VAV3: variants seen among roughly 807,000 people sequenced by gnomAD.
VAV3 encodes the protein guanine nucleotide exchange factor VAV3.
A neutral mutation model predicts 131.2 loss-of-function variants in VAV3; 94 were observed. The observed-to-expected ratio is 0.72, with a 90% CI of 0.61 to 0.85. The LOEUF (loss-of-function observed/expected upper bound fraction) is 0.85. Among genes scored for constraint, VAV3 ranks in the 40% least tolerant of loss-of-function variants. The probability of loss-of-function intolerance (pLI) is 0.00; values close to 1 mark genes in which losing one functional copy is unlikely to be tolerated. For synonymous variants in VAV3, 349 were observed against 342.0 expected, an observed-to-expected ratio of 1.02 and a Z score of -0.22; for missense variants, 939 against 1,002.7, an observed-to-expected ratio of 0.94 and a Z score of 0.86.
At chr1:107,703,570 G>T (rs1279782890) in intron 17 of VAV3, among the ~76,000 whole-genome samples, 1 of 152,182 alleles carries the variant, frequency 6.6e-6, no homozygotes, top group East Asian at 1.9e-4. Context: ...TGTCTGAGAG[G>T]AATGTGCTAT....
At chr1:107,693,218 T>C (rs1206724025) in intron 17 of VAV3, among the ~76,000 whole-genome samples, 1 of 152,084 alleles carries the variant, frequency 6.6e-6, no homozygotes, top group African/African-American at 2.4e-5. Context: ...ATAGTGAATG[T>C]GAAGAAGTCA....
intron 1 of VAV3, among the ~76,000 whole-genome samples, chr1:107,886,841 C>T (rs910539803): frequency 6.7e-6 from 1 of 149,342 alleles, no homozygotes; most frequent in African/African-American, 2.5e-5. Context: ...CTCAAATTTA[C>T]AAAATAAAAA....
At chr1:107,957,223 G>A (rs960430212) in intron 1 of VAV3, among the ~76,000 whole-genome samples, 4 of 152,130 alleles carry the variant, frequency 2.6e-5, no homozygotes, top group Admixed American at 6.5e-5. Flanking sequence ...CTCTTTCTCT[G>A]TATCTAAAAG....
intron 24 of VAV3, among the ~76,000 whole-genome samples, chr1:107,597,817 T>C (rs908469869): frequency 2.0e-5 from 3 of 152,162 alleles, no homozygotes; most frequent in African/African-American, 7.2e-5. Flanking sequence ...AAAGAATATA[T>C]AAAGTACCTA....
intron 2 of VAV3, among the ~76,000 whole-genome samples, chr1:107,850,863 T>C (rs1231036806): frequency 2.0e-5 from 3 of 151,570 alleles, no homozygotes; most frequent in Non-Finnish European, 2.9e-5. Context: ...CTACCACACA[T>C]ATATATATAT....
intron 23 of VAV3, 109 bp downstream of exon 23, chr1:107,602,938 T>C (rs1249224143): frequency 4.4e-5 from 34 of 767,962 alleles, no homozygotes; most frequent in Non-Finnish European, 6.6e-5. Context: ...GCATTATTTC[T>C]CCTTCAATTA....
chr1:107,816,230 T>C (rs1667554568), intron 2 of VAV3, among the ~76,000 whole-genome samples: 1 of 152,218 alleles, frequency 6.6e-6, no homozygotes, highest in Non-Finnish European at 1.5e-5. Context: ...GATGAATCTA[T>C]ACTTGAATAA....
At chr1:107,951,322 A>G (rs1315351863) in intron 1 of VAV3, among the ~76,000 whole-genome samples, 2 of 152,124 alleles carry the variant, frequency 1.3e-5, no homozygotes, top group East Asian at 3.9e-4. Flanking sequence ...CAATAACTTT[A>G]TTTCTGCATT....
At chr1:107,623,346 T>C (rs1653746589) in intron 20 of VAV3, among the ~76,000 whole-genome samples, 1 of 152,228 alleles carries the variant, frequency 6.6e-6, no homozygotes, top group African/African-American at 2.4e-5. Context: ...ATCTATAATA[T>C]TGTTTCTTGA....
At chr1:107,885,527 A>G (rs1301590210) in intron 1 of VAV3, among the ~76,000 whole-genome samples, 1 of 152,168 alleles carries the variant, frequency 6.6e-6, no homozygotes, top group African/African-American at 2.4e-5. Flanking sequence ...CTGGGAGAAC[A>G]TGGAATAGTC....
At chr1:107,874,499 A>G (rs184390594) in intron 2 of VAV3, among the ~76,000 whole-genome samples, 1 of 152,218 alleles carries the variant, frequency 6.6e-6, no homozygotes, top group Non-Finnish European at 1.5e-5. Context: ...TTTCAGATAT[A>G]GAGAAGACTG....
intron 15 of VAV3, among the ~76,000 whole-genome samples, chr1:107,732,010 G>T (rs17019846): frequency 6.6e-6 from 1 of 152,096 alleles, no homozygotes; most frequent in African/African-American, 2.4e-5. Flanking sequence ...TCTAAGTGAA[G>T]AGAAAAAATA....
rs34150658 is a variant in VAV3 at position 107,843,365 on chromosome 1, AATATAT to A, written c.321+31530_321+31535del. Among the ~76,000 whole-genome samples the A allele has an allele frequency of 3.5e-3, 491 of 139,966 alleles. 5 individuals are homozygous for A. Among genetic ancestry groups the A allele is most frequent in the African/African-American group, 0.012 (459 of 38,360 alleles). 91.8% of individuals were successfully genotyped at this position (139,966 alleles called of 152,430 possible). A position where few individuals can be genotyped will look rare whatever the true frequency, so the allele number is the denominator to read the frequency against. On this transcript the variant is annotated intron_variant, in intron 2 of 26. Coordinates refer to ENST00000370056, the MANE Select transcript of VAV3 (RefSeq NM_006113.5). ...TATGTGAAGCCCTTAGCACAACACA[AATATAT>A]ATATATATATATATATATAGTTAAT...
chr1:107,823,293 G>A (rs907532713), intron 2 of VAV3, among the ~76,000 whole-genome samples: 1 of 152,144 alleles, frequency 6.6e-6, no homozygotes, highest in Non-Finnish European at 1.5e-5. Flanking sequence ...AATGAAGGAT[G>A]GGGAAGAAGC....
intron 2 of VAV3, among the ~76,000 whole-genome samples, chr1:107,862,142 C>A (rs1669768835): frequency 6.6e-6 from 1 of 151,564 alleles, no homozygotes; most frequent in Non-Finnish European, 1.5e-5. Context: ...TCCAAAGACA[C>A]AGGTGCTTTA....
intron 22 of VAV3, among the ~76,000 whole-genome samples, chr1:107,605,927 A>C (rs1652229397): frequency 6.6e-6 from 1 of 152,128 alleles, no homozygotes; most frequent in Non-Finnish European, 1.5e-5. Flanking sequence ...AATTAAGACA[A>C]CCACATAATC....
At chr1:107,785,707 T>A (rs1261976333) in intron 2 of VAV3, 1 of 1,035,272 alleles carries the variant, frequency 9.7e-7, no homozygotes, top group African/African-American at 1.7e-5. Context: ...GCATGAGTGC[T>A]GGGTGGAGAA....
At chr1:107,941,742 G>C (rs1307184921) in intron 1 of VAV3, among the ~76,000 whole-genome samples, 2 of 152,118 alleles carry the variant, frequency 1.3e-5, no homozygotes, top group African/African-American at 4.8e-5. Flanking sequence ...CTGTTGGGTA[G>C]AAATAAATGG....
Position 107,744,672 on chromosome 1 carries a change from C to T in VAV3, c.1502+4296G>A, listed in dbSNP as rs1041523305. Among the ~76,000 whole-genome samples, 60 of 152,250 alleles carry T rather than the reference C, an allele frequency of 3.9e-4. 1 individual carries two copies. Among genetic ancestry groups the T allele is most frequent in the African/African-American group, 1.4e-3 (60 of 41,544 alleles). Reference sequence around the variant, plus strand: ...TTGCACCAACTTAAATACAATTATACTTCTTTATTTTTTACTCAGGTTTAA... The same window carrying T: ...TTGCACCAACTTAAATACAATTATATTTCTTTATTTTTTACTCAGGTTTAA... On this transcript the variant is annotated intron_variant, in intron 15 of 26. Transcript: ENST00000370056.
Sources: allele counts gnomAD v4.1 joint callset (sites outside exome capture counted in the v4.1 genomes callset), GRCh38; gene constraint gnomAD v4.1.1; transcripts MANE v1.5; gene names NCBI Gene and HGNC (gene_info 2026-07-23, HGNC 2026-07-21).